Variants in SVIL observed in about 807,000 individuals in gnomAD.
The protein encoded by SVIL is archvillin.
Under a neutral mutation model 240.4 loss-of-function variants are expected in SVIL, and 101 were observed. The observed-to-expected ratio is 0.42, with a 90% confidence interval of 0.36 to 0.50. The LOEUF is 0.50. Among genes scored for constraint, SVIL ranks in the 20% least tolerant of loss-of-function variants. The pLI, the probability that SVIL is intolerant of heterozygous loss-of-function variation, is 0.01. For synonymous variants in SVIL, 999 were observed against 1,100.0 expected, an observed-to-expected ratio of 0.91 and a Z score of 1.82; for missense variants, 2,512 against 2,818.7, an observed-to-expected ratio of 0.89 and a Z score of 2.46.
intron 1 of SVIL, chr10:29,575,332 C>T (rs548798144): frequency 7.4e-5 from 16 of 215,708 alleles, no homozygotes; most frequent in African/African-American, 2.1e-4. Context: ...ATTATCTTGA[C>T]GAGAAATGAT....
intron 22 of SVIL, among the ~76,000 whole-genome samples, chr10:29,490,316 A>C (rs2132395875): frequency 6.6e-6 from 1 of 152,372 alleles, no homozygotes; most frequent in South Asian, 2.1e-4. Context: ...TAACTCTTTT[A>C]CTATAAGAGA....
chr10:29,609,176 A>G (rs1324110407), intron 1 of SVIL, among the ~76,000 whole-genome samples: 1 of 152,176 alleles, frequency 6.6e-6, no homozygotes, highest in Non-Finnish European at 1.5e-5. Context: ...CTTCCTAGAC[A>G]CAGGACAAGA....
At chr10:29,471,589 C>T (rs530173439) in intron 30 of SVIL, among the ~76,000 whole-genome samples, 1 of 152,326 alleles carries the variant, frequency 6.6e-6, no homozygotes, top group South Asian at 2.1e-4. Context: ...TGTCACAAGA[C>T]TGATATAAAT....
intron 3 of SVIL, among the ~76,000 whole-genome samples, chr10:29,651,690 T>C (rs1303961797): frequency 6.6e-6 from 1 of 151,102 alleles, no homozygotes; most frequent in Admixed American, 6.6e-5. Context: ...CATCTAAATG[T>C]TATCTCCAGT....
intron 27 of SVIL, chr10:29,483,723 T>C (rs1363583646): frequency 1.3e-5 from 2 of 152,246 alleles, no homozygotes; most frequent in Admixed American, 1.3e-4. Context: ...ATACTGAGGT[T>C]AAACATTAGT....
intron 1 of SVIL, among the ~76,000 whole-genome samples, chr10:29,713,462 C>T (rs1185037307): frequency 6.6e-6 from 1 of 152,184 alleles, no homozygotes; most frequent in Admixed American, 6.5e-5. Flanking sequence ...CAGCATTCCT[C>T]CACGATCTGA....
chr10:29,563,799 G>A (rs1056856550), intron 2 of SVIL, among the ~76,000 whole-genome samples: 1 of 152,120 alleles, frequency 6.6e-6, no homozygotes, highest in African/African-American at 2.4e-5. Flanking sequence ...GACTCGTGTT[G>A]GAATAAAAGA....
chr10:29,582,195 C>T (rs1345972341), intron 1 of SVIL, among the ~76,000 whole-genome samples: 2 of 152,168 alleles, frequency 1.3e-5, no homozygotes, highest in East Asian at 1.9e-4. Flanking sequence ...TTCACTTAAA[C>T]GTGGTTGAAA....
In SVIL at chr10:29,569,249, CT is replaced by C; in HGVS notation, c.-143+5del. On this transcript the variant is annotated splice_donor_5th_base_variant and intron_variant, in intron 2 of 37. Coordinates refer to ENST00000355867, the MANE Select transcript of SVIL (RefSeq NM_021738.3). Reference sequence around the variant, plus strand: ...TTTCACAGTTGTTGAGACAAGGCCACTTTACCTTGAAACTTTCCTTTGACGT... The same window carrying C: ...TTTCACAGTTGTTGAGACAAGGCCACTTACCTTGAAACTTTCCTTTGACGT... 1 of 985,580 alleles carries C rather than the reference CT, an allele frequency of 1.0e-6. No individual in the cohort carries two copies. Among genetic ancestry groups the C allele is most frequent in the Non-Finnish European group, 1.2e-6 (1 of 829,700 alleles). The allele number at this position is 985,580 out of a possible 1,614,324, so 61.1% of individuals were successfully genotyped here. A position where few individuals can be genotyped will look rare whatever the true frequency, so the allele number is the denominator to read the frequency against.
Position 29,512,833 on chromosome 10 carries a change from C to T in SVIL, c.3418G>A (p.Glu1140Lys), listed in dbSNP as rs768650542. ...RLALLKKSGE[E>K]DWRNRLSRRQ... ...CTGCTGAGTCTGTTTCTCCAATCTT[C>T]CTCCCCGCTTTTCTTCAACAGTGCC... Residue 1140 changes from glutamate to lysine, a missense_variant, in exon 17 of 38, where the codon GAA (glutamate) becomes AAA (lysine). Glu to Lys is a moderately conservative substitution (Grantham distance 56). Coordinates refer to ENST00000355867, the MANE Select transcript of SVIL (RefSeq NM_021738.3). 18 of 1,611,856 alleles carry T rather than the reference C, an allele frequency of 1.1e-5. No individual in the cohort carries two copies. In the South Asian group the frequency reaches 2.0e-4, roughly 18 times the overall value.
intron 2 of SVIL, among the ~76,000 whole-genome samples, chr10:29,673,587 G>C (rs1324520188): frequency 6.8e-6 from 1 of 146,668 alleles, no homozygotes; most frequent in African/African-American, 2.6e-5. Flanking sequence ...GGGGGAGAGA[G>C]AGAGAGAGAG....
At chr10:29,696,949 CCG>C in intron 1 of SVIL, among the ~76,000 whole-genome samples, 2 of 145,984 alleles carry the variant, frequency 1.4e-5, no homozygotes, top group East Asian at 2.2e-4. Flanking sequence ...GCCAGACGCC[CCG>C]TCCGGGAGGG....
intron 1 of SVIL, among the ~76,000 whole-genome samples, chr10:29,721,257 C>CAAACAAACA (rs112683847): frequency 0.18 from 27,679 of 149,980 alleles, 3,212 homozygotes; most frequent in East Asian, 0.27. Flanking sequence ...AACAAACAAA[C>CAAACAAACA]AAAAAAACAC....
At position 29,493,399 on chromosome 10, in the gene SVIL, CA is replaced by C; in HGVS notation, c.3842-9del. The C allele has an allele frequency of 6.2e-7, 1 of 1,613,876 alleles. No homozygotes were observed. The highest frequency in any genetic ancestry group is 8.5e-7 in the Non-Finnish European group (1 of 1,179,820). ...TTTCGTGCATCCCGCCAACTATCAACAAACAAGCAAAAGACATAAGAGTTTT... is the reference window on the plus strand; with the variant it reads ...TTTCGTGCATCCCGCCAACTATCAACAACAAGCAAAAGACATAAGAGTTTT... On this transcript the variant is annotated splice_polypyrimidine_tract_variant and intron_variant, in intron 20 of 37. Coordinates refer to ENST00000355867, the MANE Select transcript of SVIL (RefSeq NM_021738.3).
chr10:29,631,410 G>A lies in SVIL; in HGVS notation c.-201+3010C>T, dbSNP rs536937445. On this transcript the variant is annotated intron_variant, in intron 1 of 37. Transcript: ENST00000355867. Reference sequence around the variant, plus strand: ...TGTAATCCCAGCACTTTGGGAGGCCGAGGTGGGCAGATCATGAGGTCAGGA... The same window carrying A: ...TGTAATCCCAGCACTTTGGGAGGCCAAGGTGGGCAGATCATGAGGTCAGGA... Among the ~76,000 whole-genome samples the A allele has an allele frequency of 1.5e-3, 174 of 113,470 alleles. 2 individuals are homozygous for A. The highest frequency in any genetic ancestry group is 3.0e-3 in the Non-Finnish European group (137 of 45,408). 74.4% of individuals were successfully genotyped at this position (113,470 alleles called of 152,430 possible).
intron 2 of SVIL, among the ~76,000 whole-genome samples, chr10:29,665,151 C>A (rs1959208038): frequency 7.1e-6 from 1 of 141,044 alleles, no homozygotes; most frequent in African/African-American, 2.7e-5. Flanking sequence ...CACTTGAGCT[C>A]AGGAGTTCGA....
intron 1 of SVIL, among the ~76,000 whole-genome samples, chr10:29,592,661 T>A (rs1956435094): frequency 6.6e-6 from 1 of 152,186 alleles, no homozygotes; most frequent in Admixed American, 6.5e-5. Flanking sequence ...AACAGTAAAG[T>A]AAGCATAAAA....
At chr10:29,526,838 C>T in intron 13 of SVIL, 123 bp downstream of exon 13, 2 of 815,582 alleles carry the variant, frequency 2.5e-6, no homozygotes, top group Admixed American at 3.6e-5. Flanking sequence ...GCCACGCATT[C>T]TGGAACAACT....
At chr10:29,491,053 G>A (rs1173826662) in intron 21 of SVIL, 34 bp from the exon 22 acceptor site, 10 of 1,592,938 alleles carry the variant, frequency 6.3e-6, no homozygotes, top group Admixed American at 5.3e-5. Flanking sequence ...GTCCCAGTCT[G>A]TGACACCACC....
Sources: allele counts gnomAD v4.1 joint callset (sites outside exome capture counted in the v4.1 genomes callset), GRCh38; gene constraint gnomAD v4.1.1; transcripts MANE v1.5; gene names NCBI Gene and HGNC (gene_info 2026-07-23, HGNC 2026-07-21).